The following GLDC variants were observed in gnomAD, a reference collection of about 807,000 sequenced individuals.
GLDC encodes the protein glycine dehydrogenase (decarboxylating), mitochondrial.
In GLDC, 104 loss-of-function variants were observed where a neutral mutation model predicts 121.3. That is an observed-to-expected ratio of 0.86 (90% CI 0.73 to 1.01). The LOEUF (loss-of-function observed/expected upper bound fraction) is 1.01, where lower values mean the gene tolerates loss of function less well. GLDC is among the 50% of genes least tolerant of loss of function. GLDC has a pLI of 0.00. For missense variants in GLDC, 1,429 were observed against 1,306.6 expected (o/e 1.09, Z -1.44); for synonymous variants, 546 against 480.6 (o/e 1.14, Z -1.78).
chr9:6,609,218 G>A (rs962829384), intron 4 of GLDC, among the ~76,000 whole-genome samples: 1 of 152,206 alleles, frequency 6.6e-6, no homozygotes, highest in African/African-American at 2.4e-5. Flanking sequence ...TCCTGATTCA[G>A]TAAGTCCACT....
intron 2 of GLDC, among the ~76,000 whole-genome samples, chr9:6,636,532 T>A (rs1417191522): frequency 6.6e-6 from 1 of 152,134 alleles, no homozygotes; most frequent in Non-Finnish European, 1.5e-5. Flanking sequence ...CCTAGTATTT[T>A]GGGAGGCAGA....
intron 2 of GLDC, among the ~76,000 whole-genome samples, chr9:6,629,645 A>G (rs1819320658): frequency 6.6e-6 from 1 of 151,610 alleles, no homozygotes; most frequent in Admixed American, 6.6e-5. Context: ...ATTGTTTCCC[A>G]TCCTTAACCC....
intron 15 of GLDC, among the ~76,000 whole-genome samples, chr9:6,586,554 C>T (rs1818276090): frequency 6.6e-6 from 1 of 152,152 alleles, no homozygotes; most frequent in Non-Finnish European, 1.5e-5. Flanking sequence ...GTTCTCCTGG[C>T]CCTGCTAAAC....
At chr9:6,636,038 C>T (rs543489681) in intron 2 of GLDC, among the ~76,000 whole-genome samples, 1 of 152,240 alleles carries the variant, frequency 6.6e-6, no homozygotes, top group Admixed American at 6.5e-5. Flanking sequence ...GGCGCAGTGG[C>T]TCACCTATAA....
chr9:6,601,817 G>T (rs1818617131), intron 8 of GLDC, among the ~76,000 whole-genome samples: 2 of 152,120 alleles, frequency 1.3e-5, no homozygotes, highest in South Asian at 4.1e-4. Context: ...TTTTCATAGA[G>T]ATGGTGTTTC....
intron 3 of GLDC, among the ~76,000 whole-genome samples, chr9:6,612,242 C>G (rs1818873453): frequency 7.2e-6 from 1 of 138,186 alleles, no homozygotes; most frequent in Non-Finnish European, 1.5e-5. Context: ...CACTCTTTCT[C>G]TCTCTCTCTC....
At chr9:6,568,289 T>A (rs1817889718) in intron 15 of GLDC, among the ~76,000 whole-genome samples, 1 of 152,220 alleles carries the variant, frequency 6.6e-6, no homozygotes, top group South Asian at 2.1e-4. Flanking sequence ...GACACAAGGA[T>A]TACTACTGGG....
intron 17 of GLDC, among the ~76,000 whole-genome samples, chr9:6,557,105 G>A (rs1817650050): frequency 6.6e-6 from 1 of 152,230 alleles, no homozygotes; most frequent in South Asian, 2.1e-4. Flanking sequence ...CTATACCACT[G>A]CAGGATGACT....
At chr9:6,629,957 A>ATATATGTATATACATATATATATATATT in intron 2 of GLDC, among the ~76,000 whole-genome samples, 2 of 83,098 alleles carry the variant, frequency 2.4e-5, no homozygotes, top group African/African-American at 1.4e-4. Context: ...ATATATATAT[A>ATATATGTATATACATATATATATATATT]TTTTTTTTTT....
At chr9:6,575,676 A>G (rs1362760663) in intron 15 of GLDC, among the ~76,000 whole-genome samples, 1 of 152,272 alleles carries the variant, frequency 6.6e-6, no homozygotes, top group Non-Finnish European at 1.5e-5. Context: ...GGACAAAAAC[A>G]ACTTCCTCAA....
chr9:6,594,355 A>T lies in GLDC; in HGVS notation c.1261+659T>A, dbSNP rs146835939. On this transcript the variant is annotated intron_variant, in intron 9 of 24. Transcript: ENST00000321612. Reference sequence around the variant, plus strand: ...CGGTAGGAAAGTAAGAGTTCTACATATTAAAAATATCACAGCTTGCCAGGA... The same window carrying T: ...CGGTAGGAAAGTAAGAGTTCTACATTTTAAAAATATCACAGCTTGCCAGGA... Among the ~76,000 whole-genome samples, 337 of 152,186 alleles carry T rather than the reference A, an allele frequency of 2.2e-3. 2 individuals are homozygous for T. The highest frequency in any genetic ancestry group is 7.9e-3 in the African/African-American group (327 of 41,522).
At chr9:6,631,019 C>T (rs952389626) in intron 2 of GLDC, among the ~76,000 whole-genome samples, 5 of 152,314 alleles carry the variant, frequency 3.3e-5, no homozygotes, top group South Asian at 2.1e-4. Context: ...CCAATCCATA[C>T]GCTACGCTCT....
At chr9:6,608,372 A>C in intron 4 of GLDC, among the ~76,000 whole-genome samples, 1 of 149,780 alleles carries the variant, frequency 6.7e-6, no homozygotes, top group East Asian at 2.0e-4. Flanking sequence ...CAGTGAGCCG[A>C]GATAGCGCCA....
Position 6,614,804 on chromosome 9 carries a change from T to A in GLDC, c.471-4448A>T, listed in dbSNP as rs115450339. Among the ~76,000 whole-genome samples the A allele has an allele frequency of 2.9e-3, 445 of 152,324 alleles. 3 individuals carry two copies. The highest frequency in any genetic ancestry group is 0.01 in the African/African-American group (421 of 41,576). On this transcript the variant is annotated intron_variant, in intron 3 of 24. Transcript: ENST00000321612. Reference sequence around the variant, plus strand: ...GAACCTCATAGAGTGTACTTACGTGTACTTAGAAGGTATAGCCTACTACAC... The same window carrying A: ...GAACCTCATAGAGTGTACTTACGTGAACTTAGAAGGTATAGCCTACTACAC...
At chr9:6,549,397 G>A (rs1202109592) in intron 21 of GLDC, among the ~76,000 whole-genome samples, 2 of 152,162 alleles carry the variant, frequency 1.3e-5, no homozygotes, top group African/African-American at 2.4e-5. Flanking sequence ...CTGCAGGGAG[G>A]AGGTGGAGCC....
rs772574530 is a variant in GLDC, at chr9:6,533,142, T to C, written c.2938A>G (p.Asn980Asp). The change falls in exon 25 of 25, where the codon AAC becomes GAC. Residue 980 changes from asparagine (N) to aspartate (D), a missense_variant. Physicochemically the swap from Asn to Asp is conservative, Grantham distance 23. Coordinates refer to ENST00000321612, the MANE Select transcript of GLDC (RefSeq NM_000170.3). Reference sequence around the variant, plus strand: ...CGGGCAATCGTTGGCCAGAATTTGTTCTCTGGTTTCACGAAGGGCTGCAAA... The same window carrying C: ...CGGGCAATCGTTGGCCAGAATTTGTCCTCTGGTTTCACGAAGGGCTGCAAA... ...AFPLPFVKPE[N>D]KFWPTIARID... 2.9e-5 allele frequency: 47 copies of C among 1,613,638 alleles called. No homozygotes were observed. The East Asian group carries it at 8.9e-4, about 31-fold the overall frequency.
chr9:6,590,599 A>C (rs1818356752), intron 11 of GLDC, among the ~76,000 whole-genome samples: 1 of 152,162 alleles, frequency 6.6e-6, no homozygotes, highest in African/African-American at 2.4e-5. Flanking sequence ...AGTTTCCTGA[A>C]ACCCTCACCA....
chr9:6,625,038 G>T (rs1040625204), intron 2 of GLDC, among the ~76,000 whole-genome samples: 1 of 151,644 alleles, frequency 6.6e-6, no homozygotes, highest in East Asian at 1.9e-4. Flanking sequence ...CCAGAGACAT[G>T]GTTTCCCACA....
At chr9:6,598,890 G>A (rs1263082648) in intron 8 of GLDC, among the ~76,000 whole-genome samples, 1 of 152,136 alleles carries the variant, frequency 6.6e-6, no homozygotes, top group Non-Finnish European at 1.5e-5. Flanking sequence ...TTAAGCAACA[G>A]GAACATAAGG....
Sources: gnomAD v4.1 joint callset for allele counts (sites outside exome capture counted in the v4.1 genomes callset) on GRCh38, gnomAD v4.1.1 for gene constraint, MANE v1.5 for transcripts, NCBI Gene and HGNC (gene_info 2026-07-23, HGNC 2026-07-21) for gene names.